The following SDCBP2 variants were observed in gnomAD, a reference collection of about 807,000 sequenced individuals.
SDCBP2 encodes the protein syndecan binding protein 2, also known as syntenin-2.
In SDCBP2, 28 loss-of-function variants were observed where a neutral mutation model predicts 30.7. The ratio of observed to expected loss-of-function variants is 0.91; its 90% confidence interval spans 0.68 to 1.25. The LOEUF is 1.25. Ranked by LOEUF, SDCBP2 falls within the 50% of genes most tolerant of loss-of-function variation. The pLI is 0.00. For synonymous variants in SDCBP2, 166 were observed against 157.3 expected, an observed-to-expected ratio of 1.06 and a Z score of -0.41; for missense variants, 399 against 379.0, an observed-to-expected ratio of 1.05 and a Z score of -0.44.
At chr20:1,318,701 C>T (rs1380009525) in intron 3 of SDCBP2, among the ~76,000 whole-genome samples, 1 of 152,154 alleles carries the variant, frequency 6.6e-6, no homozygotes, top group Non-Finnish European at 1.5e-5. Flanking sequence ...GCGAATGGTT[C>T]CCACCAGGAC....
Position 1,318,387 on chromosome 20 carries a change from A to C in SDCBP2, c.156T>G (p.Asn52Lys). Residue 52 changes from asparagine (N) to lysine (K), a missense_variant, in exon 4 of 9, where the codon AAT becomes AAG. By Grantham distance (94) the Asn-to-Lys change is moderately conservative. Transcript: ENST00000360779. ...GGCTGGAGAGGGAAAGACCCATATA[A>C]TTTTCCAGTTCTGCCAAGTTTGGGT... ...VLYPNLAELENYMGLSLSSQE... is the reference protein window; with the variant it reads ...VLYPNLAELEKYMGLSLSSQE... 6.2e-7 allele frequency: 1 copy of C among 1,606,418 alleles called. No homozygotes were observed. The highest frequency in any genetic ancestry group is 8.5e-7 in the Non-Finnish European group (1 of 1,176,036).
chr20:1,312,760 C>A lies in SDCBP2; in HGVS notation c.387G>T (p.Gly129=). Residue 129 remains glycine, a splice_region_variant and synonymous_variant, in exon 6 of 9, where the codon GGG becomes GGT. Coordinates refer to ENST00000360779, the MANE Select transcript of SDCBP2 (RefSeq NM_080489.5). ...TGGCCTGGACCAACTGCACAAAGAG[C>A]CCCTGGGGGAGGCAGGGCCCCAGAG... ...TGLRLRKVDQ[G]LFVQLVQANT... The A allele has an allele frequency of 6.2e-7, 1 of 1,609,030 alleles. No homozygotes were observed. The highest frequency in any genetic ancestry group is 8.5e-7 in the Non-Finnish European group (1 of 1,177,512).
At chr20:1,326,970 G>A (rs1440142608) in intron 1 of SDCBP2, among the ~76,000 whole-genome samples, 2 of 152,174 alleles carry the variant, frequency 1.3e-5, no homozygotes, top group Admixed American at 6.5e-5. Flanking sequence ...AAAGTCTTTC[G>A]AAGAATAACC....
intron 1 of SDCBP2, among the ~76,000 whole-genome samples, chr20:1,325,218 C>T (rs565670759): frequency 6.6e-5 from 10 of 152,200 alleles, no homozygotes. Context: ...TCTATGATCT[C>T]GAAATGACTA....
At chr20:1,311,191 C>T in intron 7 of SDCBP2, 1 of 309,382 alleles carries the variant, frequency 3.2e-6, no homozygotes, top group South Asian at 7.8e-5. Context: ...CGTAACAGGG[C>T]CTCATCAATG....
chr20:1,327,752 G>T (rs1349866180), intron 1 of SDCBP2, among the ~76,000 whole-genome samples: 1 of 152,228 alleles, frequency 6.6e-6, no homozygotes, highest in Non-Finnish European at 1.5e-5. Context: ...AAAGAGTTAA[G>T]GTGTATATGG....
intron 3 of SDCBP2, among the ~76,000 whole-genome samples, chr20:1,319,193 A>G (rs1213341752): frequency 1.3e-5 from 2 of 152,210 alleles, no homozygotes; most frequent in Non-Finnish European, 2.9e-5. Flanking sequence ...GATCACCAGA[A>G]TGGTGCTGAA....
rs753121769 is a variant in SDCBP2, at chr20:1,318,522, C to G, written c.125-104G>C. On this transcript the variant is annotated intron_variant, in intron 3 of 8. Transcript: ENST00000360779. Reference sequence around the variant, plus strand: ...TGCTCATTTTTATTAAGAAATGGAGCCTGGGAATGGTATTTATTTCCAAGA... The same window carrying G: ...TGCTCATTTTTATTAAGAAATGGAGGCTGGGAATGGTATTTATTTCCAAGA... 103 of 674,072 alleles carry G rather than the reference C, an allele frequency of 1.5e-4. No homozygotes were observed. In the East Asian group the frequency reaches 2.5e-3, roughly 16 times the overall value. The allele number at this position is 674,072 out of a possible 1,614,324, so 41.8% of individuals were successfully genotyped here.
At position 1,310,081 on chromosome 20, in the gene SDCBP2, G is replaced by A. The variant is rs1278361060; in HGVS notation, c.*360C>T. The A allele has an allele frequency of 2.0e-5, 4 of 200,864 alleles. No homozygotes were observed. The highest frequency in any genetic ancestry group is 6.9e-5 in the African/African-American group (3 of 43,250). The allele number at this position is 200,864 out of a possible 1,614,324, so 12.4% of individuals were successfully genotyped here. ...CAAGGAAAAAGCTCTCACAAAGAAC[G>A]TAGCTCTGTTCTCTTAAAATGTGTA... is the stretch of plus-strand genomic sequence containing the variant. On this transcript the variant is annotated 3_prime_UTR_variant, in exon 9 of 9. Transcript: ENST00000360779.
intron 1 of SDCBP2, chr20:1,323,750 C>G (rs1016119803): frequency 9.2e-5 from 14 of 152,312 alleles, no homozygotes; most frequent in African/African-American, 3.4e-4. Flanking sequence ...TAAATCATCT[C>G]TAGATTACTT....
At position 1,310,235 on chromosome 20, in the gene SDCBP2, C is replaced by T. The variant is rs2088639894; in HGVS notation, c.*206G>A. Reference sequence around the variant, plus strand: ...GAGAATCGGCTGCCTGTGGGCCCTGCCTGAGCCTCAGCCTAGCTTGGAGTC... The same window carrying T: ...GAGAATCGGCTGCCTGTGGGCCCTGTCTGAGCCTCAGCCTAGCTTGGAGTC... On this transcript the variant is annotated 3_prime_UTR_variant, in exon 9 of 9. Transcript: ENST00000360779. The T allele has an allele frequency of 2.0e-6, 1 of 494,008 alleles. No homozygotes were observed. The highest frequency in any genetic ancestry group is 3.6e-6 in the Non-Finnish European group (1 of 275,966). 30.6% of individuals were successfully genotyped at this position (494,008 alleles called of 1,614,324 possible).
rs564924567 is a variant in SDCBP2, at chr20:1,320,811, T to A, written c.-19-376A>T. The stretch of plus-strand genomic sequence containing the variant: ...CACTTATTTACTAAACACCTTCTCA[T>A]TGTCCCAGGGAGAATCAGCAGGACC... On this transcript the variant is annotated intron_variant, in intron 1 of 8. Coordinates refer to ENST00000360779, the MANE Select transcript of SDCBP2 (RefSeq NM_080489.5). The surrounding 1 kb of genome is among the most constrained non-coding windows in gnomAD (Gnocchi z 4.7). 6.1e-6 allele frequency: 1 copy of A among 163,070 alleles called. No homozygotes were observed. Among genetic ancestry groups the A allele is most frequent in the South Asian group, 1.8e-4 (1 of 5,626 alleles). 10.1% of individuals were successfully genotyped at this position (163,070 alleles called of 1,614,324 possible).
At chr20:1,325,803 C>T (rs118123385) in intron 1 of SDCBP2, 2,460 of 152,284 alleles carry the variant, frequency 0.016, 43 homozygotes, top group Non-Finnish European at 0.026. Context: ...CCAATTGTGA[C>T]GTCACCCTTC....
At chr20:1,319,522 A>G (rs1374862433) in intron 3 of SDCBP2, 68 bp downstream of exon 3, 39 of 1,494,908 alleles carry the variant, frequency 2.6e-5, no homozygotes, top group African/African-American at 4.2e-5. Flanking sequence ...GGCATTGCCA[A>G]GCTTCCCTGA....
chr20:1,314,962 T>C (rs1245037148), intron 4 of SDCBP2, among the ~76,000 whole-genome samples: 2 of 152,218 alleles, frequency 1.3e-5, no homozygotes, highest in Admixed American at 6.5e-5. Flanking sequence ...ACCATTTCTA[T>C]CAAAATCTCT....
At chr20:1,326,346 AT>A (rs1300537700) in intron 1 of SDCBP2, among the ~76,000 whole-genome samples, 4 of 152,222 alleles carry the variant, frequency 2.6e-5, no homozygotes, top group African/African-American at 9.6e-5. Context: ...TTCTGAAGCC[AT>A]ACCTACTTCT....
Position 1,320,467 on chromosome 20 carries a change from G to C in SDCBP2, c.-19-32C>G, listed in dbSNP as rs1348725665. 6.6e-7 allele frequency: 1 copy of C among 1,522,114 alleles called. No individual in the cohort carries two copies. The highest frequency in any genetic ancestry group is 2.3e-5 in the East Asian group (1 of 43,998). 94.3% of individuals were successfully genotyped at this position (1,522,114 alleles called of 1,614,324 possible). ...AGTGCAGAGGGTGGGGAAGGATAAG[G>C]ATGCAGCTGATGCCCCCTTGAAAGG... On this transcript the variant is annotated intron_variant, in intron 1 of 8. Transcript: ENST00000360779. This position sits in a 1 kb window ranked among gnomAD's most constrained non-coding sequence, Gnocchi z 4.7.
chr20:1,312,794 C>T (rs1316558935), intron 5 of SDCBP2, 32 bp from the exon 6 acceptor site: 3 of 1,582,204 alleles, frequency 1.9e-6, no homozygotes, highest in Admixed American at 1.7e-5. Context: ...AGTCAGTGTC[C>T]CTGGCCCACC....
chr20:1,310,726 G>T, intron 8 of SDCBP2, 74 bp downstream of exon 8: 1 of 1,339,104 alleles, frequency 7.5e-7, no homozygotes, highest in Non-Finnish European at 1.1e-6. Context: ...TGAGCCAGGT[G>T]CACCTGGGAG....
Sources: gnomAD v4.1 joint callset for allele counts (sites outside exome capture counted in the v4.1 genomes callset) on GRCh38, gnomAD v4.1.1 for gene constraint, Gnocchi (gnomAD v3.1) non-coding constraint, MANE v1.5 for transcripts, NCBI Gene and HGNC (gene_info 2026-07-23, HGNC 2026-07-21) for gene names.